SEMA4D: variants seen among roughly 807,000 people sequenced by gnomAD.
SEMA4D encodes the protein semaphorin 4D.
Under a neutral mutation model 74.8 loss-of-function variants are expected in SEMA4D, and 22 were observed. The ratio of observed to expected loss-of-function variants is 0.29; its 90% CI spans 0.21 to 0.42. SEMA4D has a LOEUF of 0.42. Ranked by LOEUF, SEMA4D falls within the 10% of genes least tolerant of loss-of-function variation. The pLI, the probability that SEMA4D is intolerant of heterozygous loss-of-function variation, is 1.00. For synonymous variants in SEMA4D, 445 were observed against 463.7 expected (o/e 0.96, Z 0.52); for missense variants, 937 against 1,118.4 (o/e 0.84, Z 2.31).
downstream of SEMA4D, chr9:89,377,110 G>A (rs564231266): frequency 4.4e-5 from 66 of 1,487,078 alleles, no homozygotes; most frequent in South Asian, 7.3e-4. Context: ...CCAGGAGCAC[G>A]TCACAGGCCA....
chr9:89,465,588 T>G (rs1446483372), intron 1 of SEMA4D, among the ~76,000 whole-genome samples: 3 of 152,210 alleles, frequency 2.0e-5, no homozygotes, highest in Admixed American at 6.5e-5. Flanking sequence ...ATGGAACTAT[T>G]CACTTTAATA....
At chr9:89,489,485 T>C (rs1825461486) in intron 1 of SEMA4D, among the ~76,000 whole-genome samples, 1 of 152,184 alleles carries the variant, frequency 6.6e-6, no homozygotes, top group Admixed American at 6.5e-5. Context: ...CCAATGCATA[T>C]TAAGTGTTCA....
Position 89,379,117 on chromosome 9 carries a change from T to C in SEMA4D, c.2176A>G (p.Met726Val), listed in dbSNP as rs749953648. The C allele has an allele frequency of 4.8e-5, 78 of 1,613,948 alleles. No homozygotes were observed. Among genetic ancestry groups the C allele is most frequent in the Non-Finnish European group, 6.5e-5 (77 of 1,180,022 alleles). ...TVPQLHSEKT[M>V]YLKSSDNRLL... ...CGGTTGTCGCTGGACTTAAGATACATGGTTTTCTCCGAGTGGAGCTGGGGG... is the reference window on the plus strand; with the variant it reads ...CGGTTGTCGCTGGACTTAAGATACACGGTTTTCTCCGAGTGGAGCTGGGGG... Residue 726 changes from methionine (M) to valine (V), a missense_variant, in exon 16 of 16, where the codon ATG becomes GTG. Physicochemically the swap from Met to Val is conservative, Grantham distance 21. Coordinates refer to ENST00000422704, the MANE Select transcript of SEMA4D (RefSeq NM_001371194.2).
At chr9:89,382,154 GGCT>G (rs1262160440) in intron 13 of SEMA4D, among the ~76,000 whole-genome samples, 1 of 152,146 alleles carries the variant, frequency 6.6e-6, no homozygotes, top group Non-Finnish European at 1.5e-5. Context: ...AGGCATCCAG[GGCT>G]GCTGACTGCT....
At chr9:89,468,456 G>A (rs1588110503) in intron 1 of SEMA4D, among the ~76,000 whole-genome samples, 1 of 152,160 alleles carries the variant, frequency 6.6e-6, no homozygotes, top group Admixed American at 6.5e-5. Flanking sequence ...AGGACACACC[G>A]TCAACTGTCT....
At chr9:89,386,054 C>T in intron 13 of SEMA4D, 1 of 985,418 alleles carries the variant, frequency 1.0e-6, no homozygotes, top group Non-Finnish European at 1.2e-6. Context: ...AAGCTCAGGG[C>T]ATAAAAAGGT....
At chr9:89,441,938 C>G (rs781636067) in intron 2 of SEMA4D, among the ~76,000 whole-genome samples, 26 of 152,216 alleles carry the variant, frequency 1.7e-4, no homozygotes, top group Non-Finnish European at 2.4e-4. Flanking sequence ...CAGTCCCTCA[C>G]CAGGCACCCA....
intron 4 of SEMA4D, among the ~76,000 whole-genome samples, chr9:89,402,647 T>C (rs1046537050): frequency 6.7e-6 from 1 of 149,876 alleles, no homozygotes; most frequent in Admixed American, 6.7e-5. Context: ...TCTCTGCTCA[T>C]AGGTATGTTT....
intron 16 of SEMA4D, among the ~76,000 whole-genome samples, chr9:89,371,773 GGT>G (rs1185117175): frequency 5.0e-5 from 4 of 80,802 alleles, no homozygotes; most frequent in African/African-American, 2.0e-4. Context: ...TGGGGGGTGT[GGT>G]GTGTGTCGGG....
chr9:89,457,686 C>T (rs1018859502), intron 1 of SEMA4D, among the ~76,000 whole-genome samples: 1 of 151,680 alleles, frequency 6.6e-6, no homozygotes, highest in Non-Finnish European at 1.5e-5. Context: ...TATGACTGTG[C>T]CACTGCACTC....
chr9:89,459,644 C>T (rs78208206), intron 1 of SEMA4D, among the ~76,000 whole-genome samples: 3,426 of 152,242 alleles, frequency 0.023, 62 homozygotes, highest in Non-Finnish European at 0.032. Context: ...AGCCCTGGGT[C>T]CCAAAGGGGG....
intron 6 of SEMA4D, among the ~76,000 whole-genome samples, chr9:89,396,504 C>G (rs1013874320): frequency 2.0e-5 from 3 of 152,244 alleles, no homozygotes; most frequent in Non-Finnish European, 4.4e-5. Flanking sequence ...CCAGGCCTCA[C>G]CCTTGGCCAT....
intron 15 of SEMA4D, among the ~76,000 whole-genome samples, 198 bp downstream of exon 15, chr9:89,380,857 T>G (rs540135536): frequency 3.9e-5 from 6 of 152,100 alleles, no homozygotes; most frequent in Admixed American, 3.9e-4. Context: ...GCAGATACAC[T>G]CTAAGTGGCT....
intron 1 of SEMA4D, among the ~76,000 whole-genome samples, chr9:89,462,638 A>C (rs1247495168): frequency 6.6e-6 from 1 of 152,108 alleles, no homozygotes; most frequent in Non-Finnish European, 1.5e-5. Flanking sequence ...ACAAGCCAAC[A>C]ACACCTCCTA....
At chr9:89,427,982 C>T (rs1348681971) in intron 2 of SEMA4D, among the ~76,000 whole-genome samples, 1 of 152,192 alleles carries the variant, frequency 6.6e-6, no homozygotes, top group African/African-American at 2.4e-5. Context: ...GGGATGCACT[C>T]ACCACTAGGG....
chr9:89,413,400 C>G (rs1432197048), intron 2 of SEMA4D, among the ~76,000 whole-genome samples: 1 of 152,236 alleles, frequency 6.6e-6, no homozygotes, highest in Non-Finnish European at 1.5e-5. Flanking sequence ...ACCCAGCAAC[C>G]ACTGTGCATA....
intron 2 of SEMA4D, among the ~76,000 whole-genome samples, chr9:89,453,390 A>G (rs541293762): frequency 9.2e-4 from 140 of 152,392 alleles, no homozygotes; most frequent in African/African-American, 3.1e-3. Flanking sequence ...CGCAAGACAC[A>G]GCATTGTATC....
At chr9:89,493,262 T>A (rs1182044907) in intron 1 of SEMA4D, among the ~76,000 whole-genome samples, 1 of 152,100 alleles carries the variant, frequency 6.6e-6, no homozygotes, top group Non-Finnish European at 1.5e-5. Context: ...ACAGGATAAG[T>A]GTGATCCAGA....
intron 1 of SEMA4D, among the ~76,000 whole-genome samples, chr9:89,478,406 G>T (rs1427632233): frequency 6.6e-6 from 1 of 152,132 alleles, no homozygotes; most frequent in African/African-American, 2.4e-5. Flanking sequence ...GGAAGAAGCA[G>T]GACGGAGGCC....
Sources: allele counts gnomAD v4.1 joint callset (sites outside exome capture counted in the v4.1 genomes callset), GRCh38; gene constraint gnomAD v4.1.1; transcripts MANE v1.5; gene names NCBI Gene and HGNC (gene_info 2026-07-23, HGNC 2026-07-21).